The following ASH1L variants were observed in gnomAD, a reference collection of about 807,000 sequenced individuals.
ASH1L encodes ASH1 like histone lysine methyltransferase, also known as histone-lysine N-methyltransferase ASH1L.
In ASH1L, 23 loss-of-function variants were observed where a neutral mutation model predicts 269.0. The ratio of observed to expected loss-of-function variants is 0.09; its 90% CI spans 0.06 to 0.12. The LOEUF (loss-of-function observed/expected upper bound fraction) is 0.12, where lower values mean the gene tolerates loss of function less well. ASH1L is among the 10% of genes least tolerant of loss of function. The pLI is 1.00. For missense variants in ASH1L, 2,912 were observed against 3,567.8 expected, an observed-to-expected ratio of 0.82 and a Z score of 4.68; for synonymous variants, 1,187 against 1,253.5, an observed-to-expected ratio of 0.95 and a Z score of 1.12.
intron 17 of ASH1L, among the ~76,000 whole-genome samples, chr1:155,350,332 G>A (rs959024191): frequency 5.3e-5 from 8 of 152,120 alleles, no homozygotes; most frequent in Admixed American, 5.2e-4. Context: ...AAAAATCCAA[G>A]TCTTTTTAAG....
intron 5 of ASH1L, among the ~76,000 whole-genome samples, chr1:155,421,056 G>C (rs1319262946): frequency 6.6e-6 from 1 of 151,190 alleles, no homozygotes; most frequent in East Asian, 2.0e-4. Context: ...AGGCAACATA[G>C]TCAGACCCCA....
At position 155,411,586 on chromosome 1, in the gene ASH1L, A is replaced by AATATATAT. The variant is rs368800129; in HGVS notation, c.6008+4150_6008+4157dup. On this transcript the variant is annotated intron_variant, in intron 6 of 27. Coordinates refer to ENST00000392403, the MANE Select transcript of ASH1L (RefSeq NM_018489.3). ...AAATATGAATATAAATAAATAAATA[A>AATATATAT]ATATATATATATATATATATATATA... Among the ~76,000 whole-genome samples, 259 of 55,112 alleles carry AATATATAT rather than the reference A, an allele frequency of 4.7e-3. 7 individuals carry two copies. The highest frequency in any genetic ancestry group is 0.017 in the African/African-American group (209 of 12,630). The allele number at this position is 55,112 out of a possible 152,430, so 36.2% of individuals were successfully genotyped here. A position where few individuals can be genotyped will look rare whatever the true frequency, so the allele number is the denominator to read the frequency against.
At chr1:155,440,952 T>G (rs1246749600) in intron 4 of ASH1L, among the ~76,000 whole-genome samples, 2 of 152,136 alleles carry the variant, frequency 1.3e-5, no homozygotes, top group African/African-American at 4.8e-5. Flanking sequence ...AGGACGTTGG[T>G]TATCTAAGCT....
chr1:155,341,576 G>A (rs933566897), intron 25 of ASH1L, among the ~76,000 whole-genome samples: 1 of 152,124 alleles, frequency 6.6e-6, no homozygotes, highest in Non-Finnish European at 1.5e-5. Context: ...TTACGGGTGT[G>A]TTCTCAATGA....
At chr1:155,469,875 A>C (rs1158933495) in intron 3 of ASH1L, among the ~76,000 whole-genome samples, 1 of 152,170 alleles carries the variant, frequency 6.6e-6, no homozygotes, top group African/African-American at 2.4e-5. Context: ...TTAACTTCTC[A>C]TACCTTATAA....
chr1:155,347,019 T>C (rs1227059443), intron 20 of ASH1L, among the ~76,000 whole-genome samples: 1 of 152,226 alleles, frequency 6.6e-6, no homozygotes, highest in Admixed American at 6.5e-5. Flanking sequence ...TTATCACTAA[T>C]GATTCAAAAG....
chr1:155,490,960 CCT>C (rs1374850160), intron 2 of ASH1L, among the ~76,000 whole-genome samples: 2 of 103,300 alleles, frequency 1.9e-5, no homozygotes, highest in Non-Finnish European at 3.5e-5. Context: ...AGGGTGAGAC[CCT>C]GATTCCAAAA....
intron 4 of ASH1L, among the ~76,000 whole-genome samples, chr1:155,452,395 A>C (rs1020418001): frequency 3.3e-5 from 5 of 152,148 alleles, no homozygotes; most frequent in Admixed American, 6.5e-5. Context: ...TTGTTTTTTC[A>C]CAATTAAAAT....
chr1:155,479,298 G>A lies in ASH1L; in HGVS notation c.3572C>T (p.Ser1191Phe). Residue 1191 changes from serine to phenylalanine, a missense_variant, in exon 3 of 28, where the codon TCT becomes TTT. Physicochemically the swap from Ser to Phe is radical, Grantham distance 155. Around this residue, in one of 13 missense-constraint regions of ASH1L, gnomAD observed 157 missense variants for 154.6 expected, o/e 1.02. Coordinates refer to ENST00000392403, the MANE Select transcript of ASH1L (RefSeq NM_018489.3). The part of the protein sequence containing the change: ...KEATPSPISE[S>F]HSDETIPSDS... ...ACTGGGAATGGTCTCATCACTATGA[G>A]ACTCACTGATTGGGGAAGGAGTAGC... 6.2e-7 allele frequency: 1 copy of A among 1,614,122 alleles called. No individual in the cohort carries two copies. Among genetic ancestry groups the A allele is most frequent in the Non-Finnish European group, 8.5e-7 (1 of 1,180,014 alleles).
In ASH1L at chr1:155,343,709, C is replaced by T. The variant is rs761672622; in HGVS notation, c.8015G>A (p.Arg2672His). The change falls in exon 23 of 28, where the codon CGC (arginine) becomes CAC (histidine). Residue 2672 changes from arginine (R) to histidine (H), a missense_variant. By Grantham distance (29) the Arg-to-His change is conservative. Around this residue, in one of 13 missense-constraint regions of ASH1L, gnomAD observed 179 missense variants for 293.8 expected, o/e 0.61. Transcript: ENST00000392403. The surrounding 1 kb of genome is among the most constrained non-coding windows in gnomAD (Gnocchi z 6.1). ...DCVYLMRDSR[R>H]TPDGHPVRQS... Reference sequence around the variant, plus strand: ...ACGGACCGGGTGGCCATCAGGGGTGCGCCGACTATCCCTCATCAGATACAC... The same window carrying T: ...ACGGACCGGGTGGCCATCAGGGGTGTGCCGACTATCCCTCATCAGATACAC... The T allele has an allele frequency of 2.9e-5, 47 of 1,613,974 alleles. No homozygotes were observed. Among genetic ancestry groups the T allele is most frequent in the Admixed American group, 8.3e-5 (5 of 59,988 alleles).
intron 6 of ASH1L, among the ~76,000 whole-genome samples, chr1:155,410,780 A>G (rs1659699423): frequency 6.6e-6 from 1 of 150,884 alleles, no homozygotes; most frequent in Admixed American, 6.6e-5. Flanking sequence ...GAATTCTTAA[A>G]TTTTTAGTAG....
chr1:155,432,436 T>G (rs184873588), intron 5 of ASH1L, among the ~76,000 whole-genome samples: 1 of 152,272 alleles, frequency 6.6e-6, no homozygotes, highest in Non-Finnish European at 1.5e-5. Flanking sequence ...CTCTATCAAT[T>G]CTAAGTACAT....
intron 5 of ASH1L, among the ~76,000 whole-genome samples, chr1:155,437,912 C>T (rs1034040836): frequency 4.6e-5 from 7 of 152,108 alleles, no homozygotes; most frequent in South Asian, 2.1e-4. Flanking sequence ...TGGAGTGCAG[C>T]GGTGCAATCT....
At chr1:155,425,704 G>A (rs1489684875) in intron 5 of ASH1L, among the ~76,000 whole-genome samples, 1 of 152,056 alleles carries the variant, frequency 6.6e-6, no homozygotes, top group African/African-American at 2.4e-5. Context: ...AAAGTGCTGG[G>A]ATTACAGGCG....
intron 4 of ASH1L, 119 bp from the exon 5 acceptor site, chr1:155,439,187 A>G (rs1662347487): frequency 4.6e-6 from 5 of 1,081,226 alleles, no homozygotes; most frequent in African/African-American, 1.6e-5. Flanking sequence ...TACACATCAT[A>G]GGTAAATTGA....
intron 6 of ASH1L, among the ~76,000 whole-genome samples, chr1:155,400,874 C>T (rs543592468): frequency 6.6e-6 from 1 of 152,254 alleles, no homozygotes; most frequent in East Asian, 1.9e-4. Context: ...AAATTAAGAT[C>T]ATGCCAGTGA....
chr1:155,476,847 C>T (rs1045916909), intron 3 of ASH1L, among the ~76,000 whole-genome samples: 2 of 152,068 alleles, frequency 1.3e-5, no homozygotes, highest in Admixed American at 6.6e-5. Flanking sequence ...GCCACTGCGC[C>T]TGGCCTAATG....
chr1:155,446,300 ATTT>A (rs35106620), intron 4 of ASH1L, among the ~76,000 whole-genome samples: 1 of 139,910 alleles, frequency 7.1e-6, no homozygotes, highest in Admixed American at 7.3e-5. Flanking sequence ...AATTAATTAA[ATTT>A]TTTTTTTTTT....
At chr1:155,422,303 AT>A (rs757564991) in intron 5 of ASH1L, among the ~76,000 whole-genome samples, 3,103 of 120,846 alleles carry the variant, frequency 0.026, 82 homozygotes, top group African/African-American at 0.099. Flanking sequence ...CGCCCAGCTA[AT>A]TTTTTTTTTT....
Sources: gnomAD v4.1 joint callset for allele counts (sites outside exome capture counted in the v4.1 genomes callset) on GRCh38, gnomAD v4.1.1 for gene constraint, gnomAD v4.1.1 regional missense constraint, Gnocchi (gnomAD v3.1) non-coding constraint, MANE v1.5 for transcripts, NCBI Gene and HGNC (gene_info 2026-07-23, HGNC 2026-07-21) for gene names.